STXBP3: variants seen among roughly 807,000 people sequenced by gnomAD.
STXBP3 encodes the protein syntaxin-binding protein 3.
In STXBP3, 41 loss-of-function variants were observed where a neutral mutation model predicts 85.7. The ratio of observed to expected loss-of-function variants is 0.48; its 90% confidence interval spans 0.37 to 0.62. The LOEUF is 0.62. Among genes scored for constraint, STXBP3 ranks in the 20% least tolerant of loss-of-function variants. The probability of loss-of-function intolerance (pLI) is 0.00; values close to 1 mark genes in which losing one functional copy is unlikely to be tolerated. For missense variants in STXBP3, 563 were observed against 703.1 expected, an observed-to-expected ratio of 0.80 and a Z score of 2.25; for synonymous variants, 229 against 231.7, an observed-to-expected ratio of 0.99 and a Z score of 0.10.
chr1:108,758,862 GC>G (rs1316240524), intron 5 of STXBP3, among the ~76,000 whole-genome samples: 1 of 152,216 alleles, frequency 6.6e-6, no homozygotes, highest in African/African-American at 2.4e-5. Flanking sequence ...TTGCTGGGAT[GC>G]TGGGATGTGA....
chr1:108,746,884 C>T (rs1373621644), intron 1 of STXBP3, 98 bp downstream of exon 1: 5 of 1,219,962 alleles, frequency 4.1e-6, no homozygotes, highest in Non-Finnish European at 5.8e-6. Context: ...GTTGAGGAGC[C>T]GCCGCGAGCA....
chr1:108,795,723 T>C (rs1039815723), intron 13 of STXBP3, among the ~76,000 whole-genome samples: 1 of 152,236 alleles, frequency 6.6e-6, no homozygotes, highest in African/African-American at 2.4e-5. Flanking sequence ...TTTAGATTAA[T>C]GATTTTTATC....
chr1:108,772,632 A>G (rs1662493542), intron 6 of STXBP3, 33 bp from the exon 7 acceptor site: 1 of 1,333,462 alleles, frequency 7.5e-7, no homozygotes, highest in East Asian at 2.9e-5. Flanking sequence ...TCAGGTCTCC[A>G]GATTAACAGT....
chr1:108,772,331 TATC>T (rs1226633162), intron 6 of STXBP3, among the ~76,000 whole-genome samples: 1 of 67,222 alleles, frequency 1.5e-5, no homozygotes, highest in Admixed American at 1.3e-4. Context: ...ATGATATCTG[TATC>T]ATATATAAAT....
chr1:108,796,681 C>G lies in STXBP3; in HGVS notation c.1311C>G (p.Asp437Glu). The change falls in exon 15 of 19, where the codon GAC (aspartate) becomes GAG (glutamate). Residue 437 changes from aspartate to glutamate, a missense_variant. Physicochemically the swap from Asp to Glu is conservative, Grantham distance 45. This residue lies in a region of STXBP3 where 494 missense variants were observed against 592.8 expected (regional missense o/e 0.83). Transcript: ENST00000370008. ...IQNVKIENES[D>E]MIRNWSYLGV... ...ATGTAAAGATAGAAAATGAGAGTGACATGATTCGTAACTGGAGTTACCTTG... is the reference window on the plus strand; with the variant it reads ...ATGTAAAGATAGAAAATGAGAGTGAGATGATTCGTAACTGGAGTTACCTTG... The G allele has an allele frequency of 6.2e-7, 1 of 1,613,606 alleles. No homozygotes were observed. The highest frequency in any genetic ancestry group is 8.5e-7 in the Non-Finnish European group (1 of 1,179,814).
intron 16 of STXBP3, 118 bp downstream of exon 16, chr1:108,798,355 G>A: frequency 1.8e-6 from 1 of 568,560 alleles, no homozygotes. Context: ...TGCAGTGGTT[G>A]GAGGCTTCAC....
chr1:108,785,567 C>A (rs929399071), intron 11 of STXBP3, among the ~76,000 whole-genome samples: 2 of 151,942 alleles, frequency 1.3e-5, no homozygotes, highest in Non-Finnish European at 2.9e-5. Flanking sequence ...ACATTTTCCC[C>A]GTTGTTTTGG....
At chr1:108,807,097 CA>C (rs987122153) in intron 17 of STXBP3, among the ~76,000 whole-genome samples, 1 of 151,902 alleles carries the variant, frequency 6.6e-6, no homozygotes, top group African/African-American at 2.4e-5. Context: ...ACTAAAAATA[CA>C]AAAATTAGCT....
chr1:108,774,866 T>C (rs1000060587), intron 7 of STXBP3, among the ~76,000 whole-genome samples: 2 of 152,062 alleles, frequency 1.3e-5, no homozygotes, highest in Non-Finnish European at 2.9e-5. Flanking sequence ...GGTGATTGGT[T>C]ACGTTCAGGG....
At chr1:108,796,184 A>G in intron 13 of STXBP3, 50 bp from the exon 14 acceptor site, 1 of 1,585,628 alleles carries the variant, frequency 6.3e-7, no homozygotes, top group Non-Finnish European at 8.6e-7. Flanking sequence ...TTTTTAACTA[A>G]AAAATGAATT....
chr1:108,756,255 C>T (rs1249765811), intron 3 of STXBP3, among the ~76,000 whole-genome samples: 1 of 152,082 alleles, frequency 6.6e-6, no homozygotes, highest in East Asian at 1.9e-4. Context: ...ATTTAAACAG[C>T]ATTGTGGCAG....
chr1:108,753,002 CT>C, intron 2 of STXBP3, 60 bp from the exon 3 acceptor site: 3 of 1,325,332 alleles, frequency 2.3e-6, no homozygotes, highest in South Asian at 3.1e-5. Flanking sequence ...GGATAAAATT[CT>C]TTTTTTCATT....
At position 108,798,764 on chromosome 1, in the gene STXBP3, C is replaced by CA. The variant is rs1023337254; in HGVS notation, c.1449+535dup. 4.0e-5 allele frequency among the ~76,000 whole-genome samples: 6 copies of CA among 151,102 alleles called. No individual in the cohort carries two copies. The East Asian group carries it at 9.7e-4, about 24-fold the overall frequency. On this transcript the variant is annotated intron_variant, in intron 16 of 18. Coordinates refer to ENST00000370008, the MANE Select transcript of STXBP3 (RefSeq NM_007269.4). ...GACAAACTCACACCACTGACTGTTT[C>CA]AAAAAAAATAAAATAAACACATATA...
At position 108,796,378 on chromosome 1, in the gene STXBP3, G is replaced by T. The variant is rs1479802194; in HGVS notation, c.1249+6G>T. On this transcript the variant is annotated splice_donor_region_variant and intron_variant, in intron 14 of 18. Transcript: ENST00000370008. ...TTATATCTTCAGTATTAATGGTAAT[G>T]GAGATAATCACTTTTTAATAAGTAT... The T allele has an allele frequency of 1.4e-6, 2 of 1,465,746 alleles. No homozygotes were observed. The highest frequency in any genetic ancestry group is 1.9e-6 in the Non-Finnish European group (2 of 1,058,352). The allele number at this position is 1,465,746 out of a possible 1,614,324, so 90.8% of individuals were successfully genotyped here. A position where few individuals can be genotyped will look rare whatever the true frequency, so the allele number is the denominator to read the frequency against.
chr1:108,778,635 T>C (rs1284853687), intron 8 of STXBP3, among the ~76,000 whole-genome samples: 1 of 152,162 alleles, frequency 6.6e-6, no homozygotes, highest in Non-Finnish European at 1.5e-5. Context: ...CCATGTATTT[T>C]TGTTTAGTAA....
intron 6 of STXBP3, 35 bp downstream of exon 6, chr1:108,760,120 G>T (rs770070373): frequency 1.5e-6 from 2 of 1,373,006 alleles, no homozygotes; most frequent in South Asian, 2.8e-5. Flanking sequence ...TTCATGAGAG[G>T]TTTCAAATTT....
chr1:108,765,846 ATTTTTTTTTT>A lies in STXBP3; in HGVS notation c.438+5776_438+5785del, dbSNP rs1221460441. Among the ~76,000 whole-genome samples the A allele has an allele frequency of 2.8e-4, 21 of 74,030 alleles. No individual in the cohort carries two copies. In the East Asian group the frequency reaches 6.6e-3, roughly 23 times the overall value. 48.6% of individuals were successfully genotyped at this position (74,030 alleles called of 152,430 possible). ...ACAGGTGTGAGCCACTGCTCCCGGC[ATTTTTTTTTT>A]TTTTTTTTTTTTTTGGAGACAGATT... On this transcript the variant is annotated intron_variant, in intron 6 of 18. Transcript: ENST00000370008.
At chr1:108,777,018 C>T (rs1662607631) in intron 8 of STXBP3, among the ~76,000 whole-genome samples, 1 of 152,012 alleles carries the variant, frequency 6.6e-6, no homozygotes, top group South Asian at 2.1e-4. Context: ...ATAATATAAT[C>T]AAAGACTAAG....
chr1:108,782,073 ATGT>A (rs774441892), intron 9 of STXBP3: 88 of 176,956 alleles, frequency 5.0e-4, no homozygotes, highest in Non-Finnish European at 8.3e-4. Flanking sequence ...CATCAAAACA[ATGT>A]TGTAGGGAAT....
Sources: gnomAD v4.1 joint callset for allele counts (sites outside exome capture counted in the v4.1 genomes callset) on GRCh38, gnomAD v4.1.1 for gene constraint, gnomAD v4.1.1 regional missense constraint, MANE v1.5 for transcripts, NCBI Gene and HGNC (gene_info 2026-07-23, HGNC 2026-07-21) for gene names.